ZFHX3: variants seen among roughly 807,000 people sequenced by gnomAD.
ZFHX3 encodes zinc finger homeobox protein 3.
A neutral mutation model predicts 279.1 loss-of-function variants in ZFHX3; 42 were observed. That is an observed-to-expected ratio of 0.15 (90% CI 0.12 to 0.19). The LOEUF is 0.19. Ranked by LOEUF, ZFHX3 falls within the 10% of genes least tolerant of loss-of-function variation. The pLI, the probability that ZFHX3 is intolerant of heterozygous loss-of-function variation, is 1.00. For synonymous variants in ZFHX3, 2,293 were observed against 1,957.8 expected (o/e 1.17, Z -4.52); for missense variants, 4,981 against 4,754.0 (o/e 1.05, Z -1.40).
At chr16:73,109,502 A>ATAG (rs1966345026) in intron 7 of ZFHX3, among the ~76,000 whole-genome samples, 1 of 89,340 alleles carries the variant, frequency 1.1e-5, no homozygotes, top group Admixed American at 1.2e-4. Flanking sequence ...TCAGCACGAC[A>ATAG]CAGGTTACGT....
chr16:73,839,001 G>A (rs1480636505), intron 1 of ZFHX3, among the ~76,000 whole-genome samples: 1 of 152,058 alleles, frequency 6.6e-6, no homozygotes, highest in Non-Finnish European at 1.5e-5. Flanking sequence ...AAGGAGGAAA[G>A]CAGAATGAAA....
chr16:73,240,657 C>T (rs1453644169), intron 5 of ZFHX3, among the ~76,000 whole-genome samples: 2 of 152,148 alleles, frequency 1.3e-5, no homozygotes, highest in Non-Finnish European at 2.9e-5. Flanking sequence ...GCTGGGAACA[C>T]ACACATTGGG....
chr16:73,405,662 C>T (rs975837055), intron 3 of ZFHX3, among the ~76,000 whole-genome samples: 4 of 151,508 alleles, frequency 2.6e-5, no homozygotes, highest in Non-Finnish European at 5.9e-5. Context: ...CTGCACATCA[C>T]GTATGTAATG....
At chr16:73,814,955 T>G (rs1960526629) in intron 1 of ZFHX3, among the ~76,000 whole-genome samples, 1 of 152,160 alleles carries the variant, frequency 6.6e-6, no homozygotes, top group Admixed American at 6.5e-5. Context: ...GTCAACTTGC[T>G]CCAAAATCTC....
At chr16:72,885,817 C>G (rs760434003) in intron 4 of ZFHX3, among the ~76,000 whole-genome samples, 5 of 152,130 alleles carry the variant, frequency 3.3e-5, no homozygotes, top group Non-Finnish European at 7.3e-5. Flanking sequence ...CCAGAACTTC[C>G]AACTCTAGAC....
At chr16:73,296,013 C>T (rs185891698) in intron 4 of ZFHX3, among the ~76,000 whole-genome samples, 207 of 152,268 alleles carry the variant, frequency 1.4e-3, no homozygotes, top group Non-Finnish European at 2.2e-3. Context: ...GGTTCAGCCA[C>T]AGTCCATGCA....
intron 1 of ZFHX3, 23 bp from the exon 2 acceptor site, chr16:72,960,217 G>A: frequency 6.8e-7 from 1 of 1,476,310 alleles, no homozygotes; most frequent in Non-Finnish European, 9.0e-7. Flanking sequence ...GGCAAGGGGG[G>A]AGGAGGGAGA....
intron 1 of ZFHX3, among the ~76,000 whole-genome samples, chr16:73,889,007 C>A (rs1383512283): frequency 6.6e-6 from 1 of 152,062 alleles, no homozygotes; most frequent in African/African-American, 2.4e-5. Context: ...CAGGCTCCAC[C>A]ATCTAATAGA....
At chr16:73,881,453 ACTCTCTCTCTCT>A (rs368431262) in intron 1 of ZFHX3, among the ~76,000 whole-genome samples, 2 of 39,056 alleles carry the variant, frequency 5.1e-5, no homozygotes, top group East Asian at 4.6e-4. Context: ...ACACACACAC[ACTCTCTCTCTCT>A]CTCTCTCTCT....
chr16:72,841,577 C>A (rs145147699), intron 4 of ZFHX3, among the ~76,000 whole-genome samples: 1 of 152,256 alleles, frequency 6.6e-6, no homozygotes, highest in East Asian at 1.9e-4. Flanking sequence ...ATGAAACGGT[C>A]TTTTGCTAGG....
intron 3 of ZFHX3, among the ~76,000 whole-genome samples, chr16:72,898,044 G>A (rs1460672986): frequency 6.6e-6 from 1 of 152,166 alleles, no homozygotes; most frequent in African/African-American, 2.4e-5. Flanking sequence ...GAGTGGGGGA[G>A]GTTAATTTTT....
chr16:73,661,860 C>A (rs115869122), intron 2 of ZFHX3, among the ~76,000 whole-genome samples: 4 of 151,842 alleles, frequency 2.6e-5, no homozygotes, highest in Non-Finnish European at 5.9e-5. Context: ...TATGTATTCT[C>A]CCAGATGATT....
At chr16:72,865,400 T>A (rs1597324645) in intron 4 of ZFHX3, among the ~76,000 whole-genome samples, 2 of 152,310 alleles carry the variant, frequency 1.3e-5, no homozygotes, top group Admixed American at 1.3e-4. Context: ...GTGCCATGGA[T>A]CTGTCTTCAC....
intron 7 of ZFHX3, among the ~76,000 whole-genome samples, chr16:73,130,129 T>G (rs937938942): frequency 6.6e-6 from 1 of 152,186 alleles, no homozygotes; most frequent in Admixed American, 6.5e-5. Context: ...CTGTAAACAT[T>G]TATTTTTGGG....
intron 7 of ZFHX3, among the ~76,000 whole-genome samples, chr16:72,802,139 C>T (rs1194650133): frequency 6.6e-6 from 1 of 152,092 alleles, no homozygotes; most frequent in Non-Finnish European, 1.5e-5. Flanking sequence ...TCCCCTCTAA[C>T]AGACTCAGTA....
chr16:73,317,623 T>C (rs2015481307), intron 4 of ZFHX3, among the ~76,000 whole-genome samples: 1 of 152,148 alleles, frequency 6.6e-6, no homozygotes. Context: ...GCTGGGGTTA[T>C]GGAGAGGTTA....
intron 5 of ZFHX3, among the ~76,000 whole-genome samples, chr16:73,224,509 A>G (rs2012529940): frequency 6.6e-6 from 1 of 152,192 alleles, no homozygotes; most frequent in Non-Finnish European, 1.5e-5. Flanking sequence ...TGACCAAGAC[A>G]AGTCAAGGAA....
chr16:73,269,777 C>T (rs1337935041), intron 4 of ZFHX3, among the ~76,000 whole-genome samples: 1 of 151,000 alleles, frequency 6.6e-6, no homozygotes, highest in Non-Finnish European at 1.5e-5. Flanking sequence ...GAGACGGAGT[C>T]TCACTCTGTC....
intron 5 of ZFHX3, among the ~76,000 whole-genome samples, chr16:73,248,645 A>ATG (rs145260850): frequency 0.19 from 28,007 of 149,034 alleles, 3,125 homozygotes; most frequent in Non-Finnish European, 0.27. Flanking sequence ...TGGAGAATGT[A>ATG]TGTGTGTGTG....
Sources: gnomAD v4.1 joint callset for allele counts (sites outside exome capture counted in the v4.1 genomes callset) on GRCh38, gnomAD v4.1.1 for gene constraint, MANE v1.5 for transcripts, NCBI Gene and HGNC (gene_info 2026-07-23, HGNC 2026-07-21) for gene names.